Variants in PAM observed in about 807,000 individuals in gnomAD.
PAM encodes peptidyl-glycine alpha-amidating monooxygenase.
PAM carries 72 observed loss-of-function variants against 122.1 expected under a neutral mutation model. That is an observed-to-expected ratio of 0.59 (90% confidence interval 0.49 to 0.72). The LOEUF (loss-of-function observed/expected upper bound fraction) is 0.72, where lower values mean the gene tolerates loss of function less well. PAM is among the 30% of genes least tolerant of loss of function. The pLI is 0.00. For missense variants in PAM, 1,106 were observed against 1,183.7 expected (o/e 0.93, Z 0.96); for synonymous variants, 389 against 404.4 (o/e 0.96, Z 0.46).
In PAM at chr5:102,926,657, G is replaced by A; in HGVS notation, c.515G>A (p.Ser172Asn). ...CTACAGGTACACTATGGGGATATTA[G>A]TGCTTTTAGAGGTAAGTTTTGAAGT... is the stretch of plus-strand genomic sequence containing the variant. ...FVLQVHYGDISAFRDNNKDCS... is the reference protein window; with the variant it reads ...FVLQVHYGDINAFRDNNKDCS... Residue 172 changes from serine (S) to asparagine (N), a missense_variant, in exon 7 of 26, where the codon AGT (serine) becomes AAT (asparagine). Ser to Asn is a conservative substitution (Grantham distance 46). This residue lies in a region of PAM where 670 missense variants were observed against 690.3 expected (regional missense o/e 0.97). Transcript: ENST00000438793. The A allele has an allele frequency of 6.4e-7, 1 of 1,573,558 alleles. No homozygotes were observed. The highest frequency in any genetic ancestry group is 8.7e-7 in the Non-Finnish European group (1 of 1,143,506).
chr5:102,832,873 G>C (rs1775858023), intron 1 of PAM, among the ~76,000 whole-genome samples: 1 of 152,134 alleles, frequency 6.6e-6, no homozygotes, highest in South Asian at 2.1e-4. Context: ...GAGGCAGACA[G>C]TCCTGGTTTG....
intron 1 of PAM, among the ~76,000 whole-genome samples, chr5:102,768,199 A>AT (rs1580820426): frequency 1.3e-5 from 2 of 151,920 alleles, no homozygotes; most frequent in African/African-American, 4.8e-5. Flanking sequence ...ATTTTTCTAA[A>AT]TTTTTTTAAT....
chr5:102,869,662 C>G (rs1329525196), intron 3 of PAM, among the ~76,000 whole-genome samples: 6 of 152,164 alleles, frequency 3.9e-5, no homozygotes, highest in Non-Finnish European at 8.8e-5. Context: ...AAATGGTAGA[C>G]TATCCATTGA....
intron 2 of PAM, among the ~76,000 whole-genome samples, chr5:102,866,946 C>T (rs1561683506): frequency 6.6e-6 from 1 of 152,122 alleles, no homozygotes; most frequent in Non-Finnish European, 1.5e-5. Flanking sequence ...TAACTTGAAA[C>T]AGATATATGT....
chr5:102,936,037 A>G (rs1216317399), intron 7 of PAM, among the ~76,000 whole-genome samples: 1 of 152,142 alleles, frequency 6.6e-6, no homozygotes. Flanking sequence ...AAGGCAAGAA[A>G]TACTCAAAAA....
At chr5:103,014,437 C>T (rs1415623684) in intron 21 of PAM, among the ~76,000 whole-genome samples, 5 of 152,100 alleles carry the variant, frequency 3.3e-5, no homozygotes, top group African/African-American at 4.8e-5. Flanking sequence ...TGATATTACA[C>T]CAAAACATAT....
At chr5:102,816,579 GCT>G (rs769465682) in intron 1 of PAM, among the ~76,000 whole-genome samples, 17 of 152,232 alleles carry the variant, frequency 1.1e-4, no homozygotes, top group Non-Finnish European at 2.4e-4. Flanking sequence ...AGTGGTCAGT[GCT>G]CTGTCCTCCG....
At chr5:102,960,823 T>C (rs1333396908) in intron 13 of PAM, among the ~76,000 whole-genome samples, 1 of 151,800 alleles carries the variant, frequency 6.6e-6, no homozygotes, top group African/African-American at 2.4e-5. Flanking sequence ...TAAAGTGTTC[T>C]TAAATGTTCT....
chr5:102,981,050 G>A (rs10515340), intron 15 of PAM, among the ~76,000 whole-genome samples: 8,992 of 152,100 alleles, frequency 0.059, 883 homozygotes, highest in African/African-American at 0.21. Flanking sequence ...CCAGCCTACA[G>A]GGGTTCTAAT....
intron 1 of PAM, among the ~76,000 whole-genome samples, chr5:102,758,070 T>TTTG (rs1347468391): frequency 2.2e-4 from 8 of 35,984 alleles, no homozygotes; most frequent in African/African-American, 4.4e-4. Context: ...GACTTAGAAT[T>TTTG]TTGTTTTTTT....
chr5:102,948,428 T>A lies in PAM; in HGVS notation c.626T>A (p.Ile209Asn). The change falls in exon 9 of 26, where the codon ATC (isoleucine) becomes AAC (asparagine). Residue 209 changes from isoleucine (I) to asparagine (N), a missense_variant. Ile to Asn is a moderately radical substitution (Grantham distance 149). This residue lies in a region of PAM where 670 missense variants were observed against 690.3 expected (regional missense o/e 0.97). Coordinates refer to ENST00000438793, the MANE Select transcript of PAM (RefSeq NM_001177306.2). ...MYLMMSVDTVIPAGEKVVNSD... is the reference protein window; with the variant it reads ...MYLMMSVDTVNPAGEKVVNSD... Reference sequence around the variant, plus strand: ...CTTATGATGTCTGTTGACACTGTTATCCCAGCAGGAGAAAAAGGTGAGTAA... The same window carrying A: ...CTTATGATGTCTGTTGACACTGTTAACCCAGCAGGAGAAAAAGGTGAGTAA... 6.4e-7 allele frequency: 1 copy of A among 1,570,156 alleles called. No individual in the cohort carries two copies. Among genetic ancestry groups the A allele is most frequent in the South Asian group, 1.1e-5 (1 of 89,814 alleles).
intron 15 of PAM, among the ~76,000 whole-genome samples, chr5:102,981,063 G>A (rs538327793): frequency 3.6e-4 from 54 of 152,056 alleles, no homozygotes; most frequent in Non-Finnish European, 6.0e-4. Context: ...GTTCTAATAT[G>A]TGACAAATGA....
chr5:102,937,437 G>A (rs1457890019), intron 7 of PAM, among the ~76,000 whole-genome samples: 1 of 152,146 alleles, frequency 6.6e-6, no homozygotes, highest in Non-Finnish European at 1.5e-5. Context: ...GGCCTCTCAG[G>A]CCTTTTCAGT....
At chr5:102,941,833 C>CA (rs70990420) in intron 7 of PAM, among the ~76,000 whole-genome samples, 38,667 of 58,374 alleles carry the variant, frequency 0.66, 14,328 homozygotes, top group Non-Finnish European at 0.75. Context: ...CCAGATGGTA[C>CA]AAAAAAAAAA....
At chr5:102,836,439 C>T (rs1777061825) in intron 1 of PAM, among the ~76,000 whole-genome samples, 1 of 152,028 alleles carries the variant, frequency 6.6e-6, no homozygotes, top group Non-Finnish European at 1.5e-5. Flanking sequence ...CTATGTTGCC[C>T]AGGCTAATCT....
At chr5:102,987,655 G>A (rs994817967) in intron 15 of PAM, 21 of 370,246 alleles carry the variant, frequency 5.7e-5, no homozygotes, top group South Asian at 2.0e-4. Flanking sequence ...CAATTATTTC[G>A]TACCAATAAA....
At chr5:102,792,031 A>G (rs1487105412) in intron 1 of PAM, among the ~76,000 whole-genome samples, 2 of 152,166 alleles carry the variant, frequency 1.3e-5, no homozygotes, top group Admixed American at 1.3e-4. Flanking sequence ...AAAATGGACT[A>G]TTGCTCAGAT....
chr5:102,933,298 A>G (rs1752196964), intron 7 of PAM, among the ~76,000 whole-genome samples: 1 of 152,272 alleles, frequency 6.6e-6, no homozygotes, highest in Admixed American at 6.5e-5. Flanking sequence ...GTTAGCATAA[A>G]TAGACTTTGG....
intron 3 of PAM, among the ~76,000 whole-genome samples, chr5:102,897,786 C>T (rs1796612528): frequency 1.3e-5 from 2 of 151,626 alleles, no homozygotes; most frequent in South Asian, 2.1e-4. Flanking sequence ...CAATCAGGAT[C>T]AAATCATAGT....
Sources: gnomAD v4.1 joint callset for allele counts (sites outside exome capture counted in the v4.1 genomes callset) on GRCh38, gnomAD v4.1.1 for gene constraint, gnomAD v4.1.1 regional missense constraint, MANE v1.5 for transcripts, NCBI Gene and HGNC (gene_info 2026-07-23, HGNC 2026-07-21) for gene names.